The following PLD1 variants were observed in gnomAD, a reference collection of about 807,000 sequenced individuals.
PLD1 encodes the protein choline phosphatase 1.
PLD1 carries 112 observed loss-of-function variants against 137.1 expected under a neutral mutation model. The ratio of observed to expected loss-of-function variants is 0.82; its 90% CI spans 0.70 to 0.96. The LOEUF is 0.96. Ranked by LOEUF, PLD1 falls within the 40% of genes least tolerant of loss-of-function variation. PLD1 has a pLI of 0.00. For synonymous variants in PLD1, 431 were observed against 454.7 expected (o/e 0.95, Z 0.66); for missense variants, 1,321 against 1,342.0 (o/e 0.98, Z 0.24).
intron 12 of PLD1, among the ~76,000 whole-genome samples, chr3:171,696,184 C>G (rs988497704): frequency 6.6e-6 from 1 of 152,210 alleles, no homozygotes; most frequent in Non-Finnish European, 1.5e-5. Context: ...TCACAAGCTT[C>G]TAAGGTTGAG....
intron 24 of PLD1, among the ~76,000 whole-genome samples, chr3:171,618,858 C>CGTGTGTGTGTGT (rs139135798): frequency 4.4e-5 from 6 of 135,490 alleles, no homozygotes; most frequent in African/African-American, 1.6e-4. Flanking sequence ...AGTGTGTGTG[C>CGTGTGTGTGTGT]GTGTGTGTGT....
intron 21 of PLD1, among the ~76,000 whole-genome samples, chr3:171,647,518 C>T (rs914074458): frequency 2.0e-5 from 3 of 151,750 alleles, no homozygotes; most frequent in Admixed American, 6.6e-5. Context: ...GGTGCGATCT[C>T]GGCTCACTGC....
chr3:171,761,058 T>C (rs773503464), intron 1 of PLD1, among the ~76,000 whole-genome samples: 44 of 152,340 alleles, frequency 2.9e-4, no homozygotes, highest in South Asian at 8.3e-4. Context: ...ATAAGATAAA[T>C]GTATACATCT....
intron 1 of PLD1, among the ~76,000 whole-genome samples, chr3:171,797,230 A>G (rs1388547418): frequency 6.6e-6 from 1 of 152,044 alleles, no homozygotes; most frequent in African/African-American, 2.4e-5. Flanking sequence ...CTGCTTCCAT[A>G]TGGCTTCTCC....
chr3:171,663,665 C>A (rs1204640912), intron 19 of PLD1, among the ~76,000 whole-genome samples: 1 of 152,192 alleles, frequency 6.6e-6, no homozygotes, highest in East Asian at 1.9e-4. Context: ...CATTGGTCAT[C>A]ACTTTTTTCC....
chr3:171,784,230 C>T (rs1722903871), intron 1 of PLD1, among the ~76,000 whole-genome samples: 2 of 152,134 alleles, frequency 1.3e-5, no homozygotes, highest in South Asian at 2.1e-4. Context: ...ATAGTTCTCA[C>T]TCCTAAAAAG....
At chr3:171,745,208 T>C (rs1400133721) in intron 1 of PLD1, among the ~76,000 whole-genome samples, 1 of 152,226 alleles carries the variant, frequency 6.6e-6, no homozygotes, top group Non-Finnish European at 1.5e-5. Context: ...TTAAAGGAAA[T>C]TGACATCTAT....
intron 19 of PLD1, among the ~76,000 whole-genome samples, chr3:171,668,011 C>T (rs1712330364): frequency 6.6e-6 from 1 of 152,194 alleles, no homozygotes; most frequent in Non-Finnish European, 1.5e-5. Context: ...CTTGGCCTCC[C>T]AAAGTGCTAG....
At chr3:171,774,288 T>C (rs1722515906) in intron 1 of PLD1, among the ~76,000 whole-genome samples, 1 of 152,166 alleles carries the variant, frequency 6.6e-6, no homozygotes, top group Admixed American at 6.5e-5. Flanking sequence ...TCATAAAGGC[T>C]TTCCAGAGAA....
chr3:171,671,355 A>G (rs1712723893), intron 19 of PLD1, among the ~76,000 whole-genome samples: 1 of 152,126 alleles, frequency 6.6e-6, no homozygotes, highest in Non-Finnish European at 1.5e-5. Context: ...CACAGTTCCT[A>G]TGGTTCTTTG....
chr3:171,689,062 C>T (rs1437365034), intron 13 of PLD1, among the ~76,000 whole-genome samples, 186 bp from the exon 14 acceptor site: 2 of 151,550 alleles, frequency 1.3e-5, no homozygotes, highest in Non-Finnish European at 2.9e-5. Context: ...AAAAAAAAGA[C>T]TCCTATTTAC....
At chr3:171,748,578 C>G (rs1720430363) in intron 1 of PLD1, among the ~76,000 whole-genome samples, 1 of 152,090 alleles carries the variant, frequency 6.6e-6, no homozygotes, top group African/African-American at 2.4e-5. Flanking sequence ...CCTCCAAACA[C>G]TCTCCAGTGC....
At chr3:171,616,671 G>A (rs1260003657) in intron 24 of PLD1, among the ~76,000 whole-genome samples, 1 of 152,138 alleles carries the variant, frequency 6.6e-6, no homozygotes, top group Non-Finnish European at 1.5e-5. Context: ...AAGGGGCTGT[G>A]AGCCAAGGAA....
chr3:171,741,994 A>T (rs1719812947), intron 1 of PLD1, among the ~76,000 whole-genome samples: 1 of 139,510 alleles, frequency 7.2e-6, no homozygotes, highest in Admixed American at 7.3e-5. Context: ...TAATATCATG[A>T]TCTCATTTAA....
chr3:171,612,427 C>T lies in PLD1; in HGVS notation c.2734G>A (p.Ala912Thr). 1 of 1,613,826 alleles carries T rather than the reference C, an allele frequency of 6.2e-7. No individual in the cohort carries two copies. The highest frequency in any genetic ancestry group is 8.5e-7 in the Non-Finnish European group (1 of 1,179,780). ...AGCATGCTGCGGTCATTTATGTTGG[C>T]AGAGCCTGTAAGGAGAAACAGTGAG... Reference protein sequence around the residue: ...ADDNTVIIGSANINDRSMLGK... With the variant: ...ADDNTVIIGSTNINDRSMLGK... The change falls in exon 25 of 27, where the codon GCC becomes ACC. Residue 912 changes from alanine to threonine, a missense_variant. Transcript: ENST00000351298. This position sits in a 1 kb window ranked among gnomAD's most constrained non-coding sequence, Gnocchi z 4.1.
At chr3:171,706,762 T>G (rs1244015467) in intron 11 of PLD1, among the ~76,000 whole-genome samples, 1 of 152,214 alleles carries the variant, frequency 6.6e-6, no homozygotes, top group Non-Finnish European at 1.5e-5. Flanking sequence ...TTGAGGGAAG[T>G]TACTGTGAAG....
At chr3:171,709,527 T>A (rs755723959) in intron 10 of PLD1, 33 bp downstream of exon 10, 2 of 1,599,488 alleles carry the variant, frequency 1.3e-6, no homozygotes, top group Non-Finnish European at 1.7e-6. Flanking sequence ...ATGCTATGAC[T>A]GCCTTGACAG....
At chr3:171,748,726 C>T (rs1331427880) in intron 1 of PLD1, among the ~76,000 whole-genome samples, 3 of 151,614 alleles carry the variant, frequency 2.0e-5, no homozygotes, top group Non-Finnish European at 4.4e-5. Flanking sequence ...AGTGAAGTAA[C>T]TTGAAATATG....
rs1718392825 is a variant in PLD1 at position 171,724,924 on chromosome 3, T to C, written c.666-136A>G. 6.0e-6 allele frequency: 4 copies of C among 667,500 alleles called. No individual in the cohort carries two copies. The Admixed American group carries it at 8.5e-5, about 14-fold the overall frequency. The allele number at this position is 667,500 out of a possible 1,614,324, so 41.3% of individuals were successfully genotyped here. Reference sequence around the variant, plus strand: ...CCTCCCTACTCTCTCCTCCTCGCTCTCAACTAGCTCAGTGCCCTGTTAGGC... The same window carrying C: ...CCTCCCTACTCTCTCCTCCTCGCTCCCAACTAGCTCAGTGCCCTGTTAGGC... On this transcript the variant is annotated intron_variant, in intron 7 of 26. Transcript: ENST00000351298.
Sources: gnomAD v4.1 joint callset for allele counts (sites outside exome capture counted in the v4.1 genomes callset) on GRCh38, gnomAD v4.1.1 for gene constraint, Gnocchi (gnomAD v3.1) non-coding constraint, MANE v1.5 for transcripts, NCBI Gene and HGNC (gene_info 2026-07-23, HGNC 2026-07-21) for gene names.